WWOX: variants seen among roughly 807,000 people sequenced by gnomAD.
The protein encoded by WWOX is WW domain containing oxidoreductase.
Under a neutral mutation model 46.2 loss-of-function variants are expected in WWOX, and 69 were observed. That is an observed-to-expected ratio of 1.49 (90% CI 1.23 to 1.82). WWOX has a LOEUF of 1.82. WWOX is among the 40% of genes most tolerant of loss of function. The pLI is 0.00. For missense variants in WWOX, 919 were observed against 542.6 expected, an observed-to-expected ratio of 1.69 and a Z score of -6.89; for synonymous variants, 359 against 202.6, an observed-to-expected ratio of 1.77 and a Z score of -6.56.
At chr16:78,228,045 A>G (rs557037417) in intron 5 of WWOX, among the ~76,000 whole-genome samples, 84 of 152,290 alleles carry the variant, frequency 5.5e-4, no homozygotes, top group African/African-American at 1.9e-3. Flanking sequence ...AGTTATGGTC[A>G]TCAAACAGCA....
intron 8 of WWOX, among the ~76,000 whole-genome samples, chr16:78,560,479 A>G (rs567960615): frequency 6.6e-6 from 1 of 152,236 alleles, no homozygotes; most frequent in South Asian, 2.1e-4. Flanking sequence ...CCCCGTCTCT[A>G]CTAAAAATAC....
At chr16:79,160,464 C>T (rs916585450) in intron 8 of WWOX, among the ~76,000 whole-genome samples, 3 of 151,724 alleles carry the variant, frequency 2.0e-5, no homozygotes, top group East Asian at 1.9e-4. Context: ...GATGAACCCT[C>T]GATATTAATA....
chr16:78,323,810 T>C (rs1454202258), intron 5 of WWOX, among the ~76,000 whole-genome samples: 2 of 152,214 alleles, frequency 1.3e-5, no homozygotes, highest in Non-Finnish European at 2.9e-5. Context: ...CATACTTGAC[T>C]AATTGTAGAG....
At chr16:78,838,547 A>T (rs1230779774) in intron 8 of WWOX, among the ~76,000 whole-genome samples, 1 of 152,230 alleles carries the variant, frequency 6.6e-6, no homozygotes, top group Non-Finnish European at 1.5e-5. Context: ...AATTATAAAA[A>T]TAGAAAACAG....
intron 8 of WWOX, among the ~76,000 whole-genome samples, chr16:78,493,680 C>T (rs1006733332): frequency 1.3e-5 from 2 of 152,138 alleles, no homozygotes; most frequent in African/African-American, 2.4e-5. Context: ...TAATCCACAG[C>T]ACTCCTTCTG....
intron 8 of WWOX, among the ~76,000 whole-genome samples, chr16:78,439,265 T>G (rs66687628): frequency 6.6e-6 from 1 of 152,168 alleles, no homozygotes; most frequent in Non-Finnish European, 1.5e-5. Flanking sequence ...GGTTTGAATT[T>G]TCTGGTTGCC....
chr16:78,803,580 T>G (rs2050951948), intron 8 of WWOX, among the ~76,000 whole-genome samples: 3 of 152,088 alleles, frequency 2.0e-5, no homozygotes, highest in Admixed American at 2.0e-4. Context: ...CCAAGTAGCT[T>G]AGAACCACAG....
intron 8 of WWOX, among the ~76,000 whole-genome samples, chr16:79,090,286 T>C (rs1465235605): frequency 1.2e-3 from 169 of 141,376 alleles, no homozygotes; most frequent in Non-Finnish European, 1.9e-3. Context: ...TGTGCGTGTG[T>C]GTGTGTGTGT....
intron 8 of WWOX, among the ~76,000 whole-genome samples, chr16:78,782,800 C>T (rs952384638): frequency 6.6e-6 from 1 of 151,470 alleles, no homozygotes; most frequent in African/African-American, 2.4e-5. Context: ...TGCAATCAAT[C>T]ATTGATAAGA....
intron 8 of WWOX, among the ~76,000 whole-genome samples, chr16:79,201,940 C>G (rs1388135865): frequency 6.6e-6 from 1 of 152,204 alleles, no homozygotes; most frequent in Non-Finnish European, 1.5e-5. Context: ...TTTCCATGAT[C>G]CATCAAACAC....
chr16:79,017,254 CCCCA>C (rs2047433675), intron 8 of WWOX: 1 of 151,014 alleles, frequency 6.6e-6, no homozygotes, highest in African/African-American at 2.4e-5. Flanking sequence ...CACAGTGAAA[CCCCA>C]TATCTCCTAA....
intron 6 of WWOX, among the ~76,000 whole-genome samples, chr16:78,389,935 A>G (rs1334401567): frequency 6.6e-6 from 1 of 152,120 alleles, no homozygotes; most frequent in Non-Finnish European, 1.5e-5. Flanking sequence ...TTTTCTGTAG[A>G]GATGAGGTTT....
chr16:78,688,335 G>A (rs2047908423), intron 8 of WWOX, among the ~76,000 whole-genome samples: 1 of 147,758 alleles, frequency 6.8e-6, no homozygotes, highest in South Asian at 2.1e-4. Flanking sequence ...AAATTCACGA[G>A]ATCATTCATG....
chr16:78,742,146 A>T (rs71398105), intron 8 of WWOX, among the ~76,000 whole-genome samples: 3 of 152,150 alleles, frequency 2.0e-5, no homozygotes, highest in African/African-American at 7.2e-5. Flanking sequence ...TTTCCTTGCA[A>T]TGTTTTGTAA....
intron 8 of WWOX, among the ~76,000 whole-genome samples, chr16:78,924,937 G>A (rs1365817561): frequency 6.6e-6 from 1 of 152,158 alleles, no homozygotes; most frequent in East Asian, 1.9e-4. Flanking sequence ...GTTCATGCTT[G>A]TAATTCCAGC....
At chr16:78,509,936 AAAAAAG>A (rs1161084949) in intron 8 of WWOX, among the ~76,000 whole-genome samples, 7 of 151,664 alleles carry the variant, frequency 4.6e-5, no homozygotes, top group African/African-American at 7.3e-5. Context: ...AAAAAAAAAA[AAAAAAG>A]AAAGAAAAAT....
intron 5 of WWOX, among the ~76,000 whole-genome samples, chr16:78,284,710 T>G (rs1201283984): frequency 1.3e-5 from 2 of 152,198 alleles, no homozygotes; most frequent in Non-Finnish European, 2.9e-5. Context: ...TAAATTCTCT[T>G]TAACCAAGTC....
chr16:78,648,945 T>C (rs2046905596), intron 8 of WWOX, among the ~76,000 whole-genome samples: 1 of 152,148 alleles, frequency 6.6e-6, no homozygotes, highest in South Asian at 2.1e-4. Flanking sequence ...GTTTCTTTGA[T>C]TGTTTTTAAT....
intron 8 of WWOX, among the ~76,000 whole-genome samples, chr16:78,922,668 G>A (rs1346818126): frequency 6.6e-6 from 1 of 151,622 alleles, no homozygotes; most frequent in Non-Finnish European, 1.5e-5. Context: ...CGTGAGCCAC[G>A]ACCACCAGCC....
Sources: allele counts gnomAD v4.1 joint callset (sites outside exome capture counted in the v4.1 genomes callset), GRCh38; gene constraint gnomAD v4.1.1; transcripts MANE v1.5; gene names NCBI Gene and HGNC (gene_info 2026-07-23, HGNC 2026-07-21).